Variants in PTCH1 observed in about 807,000 individuals in gnomAD.
The protein encoded by PTCH1 is protein patched homolog 1.
In PTCH1, 14 loss-of-function variants were observed where a neutral mutation model predicts 144.6. The observed-to-expected ratio is 0.10, with a 90% confidence interval of 0.06 to 0.15. The LOEUF is 0.15. Among genes scored for constraint, PTCH1 ranks in the 10% least tolerant of loss-of-function variants. PTCH1 has a pLI of 1.00. For missense variants in PTCH1, 1,623 were observed against 1,948.3 expected, an observed-to-expected ratio of 0.83 and a Z score of 3.14; for synonymous variants, 833 against 793.6, an observed-to-expected ratio of 1.05 and a Z score of -0.83.
At chr9:95,490,805 T>C (rs891794591) in intron 2 of PTCH1, among the ~76,000 whole-genome samples, 8 of 152,070 alleles carry the variant, frequency 5.3e-5, no homozygotes, top group Non-Finnish European at 7.4e-5. Flanking sequence ...TTCCATAGCA[T>C]AGTAGGGAGA....
Position 95,467,138 on chromosome 9 carries a change from G to C in PTCH1, c.2538C>G (p.His846Gln), listed in dbSNP as rs2117947407. The C allele has an allele frequency of 2.5e-6, 4 of 1,614,238 alleles. No homozygotes were observed. The South Asian group carries it at 4.4e-5, about 18-fold the overall frequency. ...ENKQLPKMWL[H>Q]YFRDWLQGLQ... ...TACCCTGAAGCCAGTCTCTGAAGTA[G>C]TGCAGCCACATTTTGGGAAGCTGTT... is the stretch of plus-strand genomic sequence containing the variant. Residue 846 changes from histidine (H) to glutamine (Q), a missense_variant, in exon 15 of 24, where the codon CAC becomes CAG. Physicochemically the swap from His to Gln is conservative, Grantham distance 24. This residue lies in a region of PTCH1 where 504 missense variants were observed against 679.3 expected (regional missense o/e 0.74). Coordinates refer to ENST00000331920, the MANE Select transcript of PTCH1 (RefSeq NM_000264.5).
Position 95,467,135 on chromosome 9 carries a change from G to A in PTCH1, c.2541C>T (p.Tyr847=), listed in dbSNP as rs863224347. ...NKQLPKMWLH[Y]FRDWLQGLQD... is the part of the protein sequence containing the mutation. ...TCTTACCCTGAAGCCAGTCTCTGAA[G>A]TAGTGCAGCCACATTTTGGGAAGCT... The change falls in exon 15 of 24, where the codon TAC becomes TAT. Residue 847 remains tyrosine, a synonymous_variant. Coordinates refer to ENST00000331920, the MANE Select transcript of PTCH1 (RefSeq NM_000264.5). 1 of 1,614,234 alleles carries A rather than the reference G, an allele frequency of 6.2e-7. No individual in the cohort carries two copies. The highest frequency in any genetic ancestry group is 8.5e-7 in the Non-Finnish European group (1 of 1,180,038).
intron 13 of PTCH1, among the ~76,000 whole-genome samples, chr9:95,469,367 G>GCCA (rs964537238): frequency 6.6e-6 from 1 of 152,190 alleles, no homozygotes; most frequent in Non-Finnish European, 1.5e-5. Context: ...GTCTGAGGAG[G>GCCA]CCACATGGAG....
upstream of PTCH1, among the ~76,000 whole-genome samples, chr9:95,509,795 GT>G (rs1844050568): frequency 3.3e-5 from 5 of 152,220 alleles, 1 homozygote; most frequent in South Asian, 1.0e-3. Flanking sequence ...TAATGACAGC[GT>G]GCTGGATAGT....
chr9:95,499,828 G>A (rs1431545315), intron 2 of PTCH1, among the ~76,000 whole-genome samples: 2 of 152,082 alleles, frequency 1.3e-5, no homozygotes, highest in Non-Finnish European at 2.9e-5. Context: ...ACACTCATCA[G>A]GGGCTAAATC....
chr9:95,479,912 C>T (rs1386861508), intron 7 of PTCH1, 57 bp downstream of exon 7: 4 of 1,613,598 alleles, frequency 2.5e-6, no homozygotes, highest in African/African-American at 1.3e-5. Flanking sequence ...AGGGAAGTGG[C>T]TTTTGAGGAA....
intron 13 of PTCH1, among the ~76,000 whole-genome samples, chr9:95,469,545 G>A (rs555029042): frequency 6.6e-6 from 1 of 152,152 alleles, no homozygotes; most frequent in Admixed American, 6.5e-5. Flanking sequence ...TCCTACAATC[G>A]GCAACATCAG....
chr9:95,508,360 A>ATGT lies in PTCH1; in HGVS notation c.-2_1dup (p.Asn1_?0), dbSNP rs1843916701. 8.6e-7 allele frequency: 1 copy of ATGT among 1,161,336 alleles called. No homozygotes were observed. Among genetic ancestry groups the ATGT allele is most frequent in the Non-Finnish European group, 1.1e-6 (1 of 938,634 alleles). 71.9% of individuals were successfully genotyped at this position (1,161,336 alleles called of 1,614,324 possible). On this transcript the variant is annotated start_lost and start_retained_variant, in exon 1 of 24. Transcript: ENST00000331920. Reference sequence around the variant, plus strand: ...CTCGGCGGCGTTACCAGCCGAGGCCATGTTGCCGCCGCCGCCGCCGCCGCC... The same window carrying ATGT: ...CTCGGCGGCGTTACCAGCCGAGGCCATGTTGTTGCCGCCGCCGCCGCCGCCGCC...
chr9:95,447,576 C>T, intron 22 of PTCH1, 125 bp from the exon 23 acceptor site: 2 of 987,856 alleles, frequency 2.0e-6, no homozygotes, highest in Non-Finnish European at 1.5e-6. Flanking sequence ...CAATGGGGGC[C>T]TTCCACCCAC....
intron 1 of PTCH1, 175 bp downstream of exon 1, chr9:95,507,986 G>A (rs1232246333): frequency 3.3e-6 from 5 of 1,506,690 alleles, no homozygotes; most frequent in South Asian, 1.3e-5. Context: ...CCAGAGGGAG[G>A]GTTTGAATTT....
At chr9:95,483,884 C>T (rs939741892) in intron 3 of PTCH1, 1 of 152,202 alleles carries the variant, frequency 6.6e-6, no homozygotes, top group Non-Finnish European at 1.5e-5. Context: ...TTGAGAAGGA[C>T]ATCATTGTGC....
chr9:95,505,998 G>T (rs903848648), intron 2 of PTCH1, among the ~76,000 whole-genome samples: 1 of 147,904 alleles, frequency 6.8e-6, no homozygotes, highest in East Asian at 2.0e-4. Flanking sequence ...GACGCGGTGG[G>T]TGGGGGTGGG....
At chr9:95,515,447 C>T (rs1844320943) in intron 1 of PTCH1, among the ~76,000 whole-genome samples, 1 of 152,182 alleles carries the variant, frequency 6.6e-6, no homozygotes, top group South Asian at 2.1e-4. Flanking sequence ...AGCCGCCCAC[C>T]CATATGGTTC....
At chr9:95,479,725 CTA>C in intron 7 of PTCH1, 2 of 615,014 alleles carry the variant, frequency 3.3e-6, no homozygotes, top group Non-Finnish European at 5.6e-6. Context: ...TCCTTAAACC[CTA>C]TAGTCAGGAA....
chr9:95,511,156 C>T (rs1844135189), upstream of PTCH1, among the ~76,000 whole-genome samples: 2 of 149,860 alleles, frequency 1.3e-5, no homozygotes, highest in Admixed American at 6.6e-5. Flanking sequence ...CTGGGGGCTG[C>T]GGCGGGGCGC....
At position 95,448,049 on chromosome 9, in the gene PTCH1, G is replaced by A. The variant is rs925245063; in HGVS notation, c.3805-598C>T. On this transcript the variant is annotated intron_variant, in intron 22 of 23. Coordinates refer to ENST00000331920, the MANE Select transcript of PTCH1 (RefSeq NM_000264.5). ...TTTCGTCACTGCGGAGGGCTGTGGC[G>A]GGCAGCCTGTTCCATCTGATTGTTA... Among the ~76,000 whole-genome samples, 31 of 152,284 alleles carry A rather than the reference G, an allele frequency of 2.0e-4. No homozygotes were observed. In the East Asian group the frequency reaches 3.5e-3, roughly 17 times the overall value.
At chr9:95,486,087 G>C (rs1416900789) in intron 2 of PTCH1, among the ~76,000 whole-genome samples, 1 of 152,202 alleles carries the variant, frequency 6.6e-6, no homozygotes, top group Non-Finnish European at 1.5e-5. Flanking sequence ...ATTAATGGCT[G>C]TCCCGCCTGT....
At chr9:95,455,223 A>C (rs911841360) in intron 19 of PTCH1, among the ~76,000 whole-genome samples, 32 of 152,254 alleles carry the variant, frequency 2.1e-4, no homozygotes, top group African/African-American at 7.0e-4. Flanking sequence ...TCCTTCCAAA[A>C]CACAAAAGTT....
At chr9:95,478,023 C>T (rs1841208917) in intron 9 of PTCH1, 32 bp downstream of exon 9, 1 of 1,614,100 alleles carries the variant, frequency 6.2e-7, no homozygotes, top group Non-Finnish European at 8.5e-7. Context: ...AAACCAAACT[C>T]CAGCCCCCAG....
Sources: allele counts gnomAD v4.1 joint callset (sites outside exome capture counted in the v4.1 genomes callset), GRCh38; gene constraint gnomAD v4.1.1; regional missense constraint gnomAD v4.1.1; transcripts MANE v1.5; gene names NCBI Gene and HGNC (gene_info 2026-07-23, HGNC 2026-07-21).